IGF1R: variants seen among roughly 807,000 people sequenced by gnomAD.
The protein encoded by IGF1R is insulin like growth factor 1 receptor.
A neutral mutation model predicts 144.6 loss-of-function variants in IGF1R; 44 were observed. The observed-to-expected ratio is 0.30, with a 90% CI of 0.24 to 0.39. IGF1R has a LOEUF of 0.39. Ranked by LOEUF, IGF1R falls within the 10% of genes least tolerant of loss-of-function variation. The pLI, the probability that IGF1R is intolerant of heterozygous loss-of-function variation, is 1.00. For synonymous variants in IGF1R, 795 were observed against 722.8 expected, an observed-to-expected ratio of 1.10 and a Z score of -1.60; for missense variants, 1,355 against 1,833.7, an observed-to-expected ratio of 0.74 and a Z score of 4.77.
In IGF1R at chr15:98,908,893, G is replaced by T; in HGVS notation, c.1456G>T (p.Ala486Ser). ...DINTRNNGERASCESDVLHFT... is the reference protein window; with the variant it reads ...DINTRNNGERSSCESDVLHFT... ...AAACACCAGGAACAACGGGGAGAGA[G>T]CCTCCTGTGAGTGACAGCATCCAAA... The change falls in exon 6 of 21, where the codon GCC (alanine) becomes TCC (serine). Residue 486 changes from alanine (A) to serine (S), a missense_variant. Transcript: ENST00000650285. The T allele has an allele frequency of 6.2e-7, 1 of 1,613,336 alleles. No homozygotes were observed. The highest frequency in any genetic ancestry group is 8.5e-7 in the Non-Finnish European group (1 of 1,179,590).
intron 2 of IGF1R, among the ~76,000 whole-genome samples, chr15:98,823,057 C>G (rs952800345): frequency 1.3e-5 from 2 of 152,174 alleles, no homozygotes; most frequent in Non-Finnish European, 2.9e-5. Context: ...CTTTTCTTCC[C>G]GTTCCCCCCA....
chr15:98,653,843 T>TAA (rs1310551895), intron 1 of IGF1R, among the ~76,000 whole-genome samples: 1 of 152,252 alleles, frequency 6.6e-6, no homozygotes, highest in Non-Finnish European at 1.5e-5. Context: ...CTTGTTGCCT[T>TAA]AGAGTTTTTG....
intron 2 of IGF1R, among the ~76,000 whole-genome samples, chr15:98,885,347 C>T: frequency 6.6e-6 from 1 of 152,226 alleles, no homozygotes; most frequent in East Asian, 1.9e-4. Flanking sequence ...CGGCCTGGGG[C>T]AGGACGCTGC....
At position 98,663,125 on chromosome 15, in the gene IGF1R, G is replaced by A. The variant is rs759547479; in HGVS notation, c.94+13450G>A. ...AGACCTGAGACCAGGAAGCAGGAAT[G>A]GACTGGACAGGTTGGCCCAGCTGAG... is the stretch of plus-strand genomic sequence containing the variant. On this transcript the variant is annotated intron_variant, in intron 1 of 20. Coordinates refer to ENST00000650285, the MANE Select transcript of IGF1R (RefSeq NM_000875.5). 5.9e-5 allele frequency among the ~76,000 whole-genome samples: 9 copies of A among 152,312 alleles called. No homozygotes were observed. The South Asian group carries it at 1.9e-3, about 32-fold the overall frequency.
intron 2 of IGF1R, among the ~76,000 whole-genome samples, chr15:98,797,771 C>G (rs752138185): frequency 2.6e-5 from 4 of 152,120 alleles, no homozygotes; most frequent in Non-Finnish European, 5.9e-5. Flanking sequence ...AAAGCCAACT[C>G]CATTCTCCAA....
chr15:98,662,732 G>C (rs2052630453), intron 1 of IGF1R, among the ~76,000 whole-genome samples: 1 of 152,266 alleles, frequency 6.6e-6, no homozygotes, highest in Middle Eastern at 3.4e-3. Context: ...GGCTTGAGAA[G>C]CTTTAAGGAG....
chr15:98,869,430 G>A (rs539087822), intron 2 of IGF1R, among the ~76,000 whole-genome samples: 3 of 137,180 alleles, frequency 2.2e-5, no homozygotes, highest in Non-Finnish European at 4.6e-5. Context: ...GCTCCCTTGA[G>A]ATTCTTTTTT....
At chr15:98,691,768 G>T (rs1474675352) in intron 1 of IGF1R, among the ~76,000 whole-genome samples, 1 of 152,080 alleles carries the variant, frequency 6.6e-6, no homozygotes, top group Non-Finnish European at 1.5e-5. Context: ...TATCACCATT[G>T]TTGTTAACCT....
At chr15:98,777,087 G>A (rs750117581) in intron 2 of IGF1R, among the ~76,000 whole-genome samples, 6 of 152,272 alleles carry the variant, frequency 3.9e-5, no homozygotes, top group African/African-American at 7.2e-5. Context: ...GGAGGGCTGC[G>A]GTCTGTTTCC....
Position 98,943,050 on chromosome 15 carries a change from C to G in IGF1R, c.3585C>G (p.Val1195=). 6.2e-7 allele frequency: 1 copy of G among 1,614,232 alleles called. No homozygotes were observed. The highest frequency in any genetic ancestry group is 2.2e-5 in the East Asian group (1 of 44,888). The change falls in exon 19 of 21, where the codon GTC becomes GTG. Residue 1195 remains valine (V), a splice_region_variant and synonymous_variant. Coordinates refer to ENST00000650285, the MANE Select transcript of IGF1R (RefSeq NM_000875.5). ...KDGVFTTYSD[V]WSFGVVLWEI... is the part of the protein sequence containing the mutation. ...GAGTCTTCACCACTTACTCGGACGT[C>G]TGGTATGAGAACCTTTACTGCATTG...
intron 2 of IGF1R, among the ~76,000 whole-genome samples, chr15:98,846,718 T>G (rs977939536): frequency 6.6e-6 from 1 of 152,350 alleles, no homozygotes; most frequent in African/African-American, 2.4e-5. Context: ...GTTTCTCTTA[T>G]GCTGCCTTAA....
chr15:98,937,849 C>T (rs1446453998), intron 17 of IGF1R, among the ~76,000 whole-genome samples: 1 of 152,228 alleles, frequency 6.6e-6, no homozygotes, highest in Non-Finnish European at 1.5e-5. Flanking sequence ...ATAAACTTTA[C>T]ATTTCATGTG....
At chr15:98,920,596 C>G (rs2015442879) in intron 10 of IGF1R, among the ~76,000 whole-genome samples, 1 of 152,116 alleles carries the variant, frequency 6.6e-6, no homozygotes, top group Admixed American at 6.5e-5. Context: ...TTGTGTTTTT[C>G]CCTTCCGGGA....
In IGF1R at chr15:98,916,121, C is replaced by T; in HGVS notation, c.1986C>T (p.Tyr662=). Residue 662 remains tyrosine, a synonymous_variant, in exon 9 of 21, where the codon TAC becomes TAT. Coordinates refer to ENST00000650285, the MANE Select transcript of IGF1R (RefSeq NM_000875.5). ...ACGGCTACCTTTACCGGCACAATTA[C>T]TGCTCCAAAGGTAAGGGTGCAGCAG... is the stretch of plus-strand genomic sequence containing the variant. The part of the protein sequence containing the change: ...PQDGYLYRHN[Y]CSKDKIPIRK... 6.2e-7 allele frequency: 1 copy of T among 1,614,210 alleles called. No homozygotes were observed. Among genetic ancestry groups the T allele is most frequent in the East Asian group, 2.2e-5 (1 of 44,890 alleles).
chr15:98,939,597 G>C (rs2151714668), intron 18 of IGF1R, among the ~76,000 whole-genome samples: 1 of 152,304 alleles, frequency 6.6e-6, no homozygotes, highest in Non-Finnish European at 1.5e-5. Flanking sequence ...CCTGAGGCTG[G>C]CTCTCCAGAC....
chr15:98,755,441 A>G (rs920852664), intron 2 of IGF1R, among the ~76,000 whole-genome samples: 1 of 152,014 alleles, frequency 6.6e-6, no homozygotes, highest in South Asian at 2.1e-4. Context: ...TGCTGGTACT[A>G]TAGAAAAGTG....
At chr15:98,896,956 T>G (rs1483589897) in intron 4 of IGF1R, 51 bp downstream of exon 4, 1 of 1,582,048 alleles carries the variant, frequency 6.3e-7, no homozygotes, top group Non-Finnish European at 8.7e-7. Flanking sequence ...GGTTTTCTTT[T>G]GTTGATGCTT....
At chr15:98,895,495 G>T (rs2014149859) in intron 3 of IGF1R, among the ~76,000 whole-genome samples, 1 of 152,078 alleles carries the variant, frequency 6.6e-6, no homozygotes, top group Admixed American at 6.5e-5. Flanking sequence ...AGTGCTGAAG[G>T]AAGCCTCTAC....
At chr15:98,855,337 A>T (rs1411051970) in intron 2 of IGF1R, among the ~76,000 whole-genome samples, 1 of 152,192 alleles carries the variant, frequency 6.6e-6, no homozygotes, top group East Asian at 1.9e-4. Flanking sequence ...GTCTTTCTGG[A>T]GAAGGAAGTA....
Sources: allele counts gnomAD v4.1 joint callset (sites outside exome capture counted in the v4.1 genomes callset), GRCh38; gene constraint gnomAD v4.1.1; transcripts MANE v1.5; gene names NCBI Gene and HGNC (gene_info 2026-07-23, HGNC 2026-07-21).